AFF1: variants seen among roughly 807,000 people sequenced by gnomAD.
AFF1 encodes the protein AF4/FMR2 family member 1.
Under a neutral mutation model 121.7 loss-of-function variants are expected in AFF1, and 48 were observed. The ratio of observed to expected loss-of-function variants is 0.39; its 90% CI spans 0.31 to 0.50. The LOEUF is 0.50. Ranked by LOEUF, AFF1 falls within the 20% of genes least tolerant of loss-of-function variation. AFF1 has a pLI of 0.76. For synonymous variants in AFF1, 613 were observed against 563.0 expected (o/e 1.09, Z -1.26); for missense variants, 1,523 against 1,511.7 (o/e 1.01, Z -0.12).
At chr4:86,987,258 T>C (rs1724359156) in intron 2 of AFF1, among the ~76,000 whole-genome samples, 1 of 140,446 alleles carries the variant, frequency 7.1e-6, no homozygotes, top group Non-Finnish European at 1.5e-5. Flanking sequence ...CAGAATCTTA[T>C]TATTATAATG....
rs34072831 is a variant in AFF1, at chr4:87,001,207, C to CTTTTTTTTT, written c.39-44940_39-44932dup. 1.0e-3 allele frequency among the ~76,000 whole-genome samples: 61 copies of CTTTTTTTTT among 60,316 alleles called. 18 individuals carry two copies. Among genetic ancestry groups the CTTTTTTTTT allele is most frequent in the South Asian group, 1.9e-3 (2 of 1,076 alleles). 39.6% of individuals were successfully genotyped at this position (60,316 alleles called of 152,430 possible). ...TGAGAGGACTGCTTTCCTTTTTCTA[C>CTTTTTTTTT]TTTTTTTTTTTTTTTTTTTTTTTTT... On this transcript the variant is annotated intron_variant, in intron 2 of 20. Coordinates refer to ENST00000395146, the MANE Select transcript of AFF1 (RefSeq NM_001166693.3).
chr4:87,047,732 T>G, intron 4 of AFF1, 138 bp downstream of exon 4: 1 of 1,148,930 alleles, frequency 8.7e-7, no homozygotes, highest in South Asian at 1.2e-5. Context: ...CTTTAGGATC[T>G]TGTTAATAAC....
chr4:86,949,686 T>C, intron 2 of AFF1: 2 of 1,571,310 alleles, frequency 1.3e-6, no homozygotes, highest in Non-Finnish European at 1.7e-6. Context: ...AAGGGGATGA[T>C]GGGCATGCGC....
At chr4:87,059,590 C>G (rs1256326151) in intron 4 of AFF1, among the ~76,000 whole-genome samples, 2 of 152,122 alleles carry the variant, frequency 1.3e-5, no homozygotes, top group African/African-American at 4.8e-5. Context: ...AAAATCAGAT[C>G]AAGTCGTACT....
intron 4 of AFF1, among the ~76,000 whole-genome samples, chr4:87,065,023 ACT>A (rs34158399): frequency 0.13 from 19,349 of 151,892 alleles, 1,696 homozygotes; most frequent in Middle Eastern, 0.2. Flanking sequence ...TGGCTGACAG[ACT>A]CTGTCACAAG....
At chr4:86,981,395 T>C (rs929745202) in intron 2 of AFF1, among the ~76,000 whole-genome samples, 5 of 151,790 alleles carry the variant, frequency 3.3e-5, no homozygotes, top group Non-Finnish European at 7.4e-5. Context: ...TGAGATGGAG[T>C]CTCACTCTGT....
intron 4 of AFF1, among the ~76,000 whole-genome samples, chr4:87,082,846 A>G (rs563891216): frequency 3.3e-5 from 5 of 152,284 alleles, no homozygotes; most frequent in Admixed American, 1.3e-4. Flanking sequence ...AGATTAATAA[A>G]CCCTAGATTG....
At chr4:87,039,671 G>C (rs1046651071) in intron 2 of AFF1, among the ~76,000 whole-genome samples, 5 of 152,194 alleles carry the variant, frequency 3.3e-5, no homozygotes, top group Admixed American at 3.3e-4. Context: ...GATGAATTCT[G>C]TAGAGATCTT....
chr4:86,962,619 CTG>C (rs1722231392), intron 2 of AFF1, among the ~76,000 whole-genome samples: 1 of 152,100 alleles, frequency 6.6e-6, no homozygotes, highest in South Asian at 2.1e-4. Context: ...TTCCCATGCT[CTG>C]AGACCCAACT....
intron 1 of AFF1, among the ~76,000 whole-genome samples, chr4:86,939,289 C>T (rs1168385176): frequency 9.2e-6 from 1 of 108,658 alleles, no homozygotes; most frequent in Non-Finnish European, 2.1e-5. Context: ...AGTGACTTGA[C>T]TCTGTGACTC....
intron 4 of AFF1, among the ~76,000 whole-genome samples, chr4:87,067,292 A>C (rs908948287): frequency 1.3e-5 from 2 of 152,212 alleles, no homozygotes; most frequent in Admixed American, 1.3e-4. Context: ...AACAAGCTTA[A>C]TAGTTGGAGA....
chr4:86,948,285 T>C (rs1257144600), intron 1 of AFF1, among the ~76,000 whole-genome samples: 2 of 152,180 alleles, frequency 1.3e-5, no homozygotes, highest in Non-Finnish European at 1.5e-5. Flanking sequence ...CTTGCTGAAA[T>C]GGCTTTGAGA....
intron 1 of AFF1, among the ~76,000 whole-genome samples, chr4:86,936,790 G>A (rs964533656): frequency 1.3e-5 from 2 of 152,200 alleles, no homozygotes; most frequent in Non-Finnish European, 2.9e-5. Context: ...ATGTTGGGAA[G>A]TATTGTACTT....
In AFF1 at chr4:87,137,530, C is replaced by G; in HGVS notation, c.*1829C>G. On this transcript the variant is annotated 3_prime_UTR_variant, in exon 21 of 21. Transcript: ENST00000395146. ...TGGTCCCTCATGTTTAGGTGAAAGCCAGAGAATGACAGCTGTAGTCATATC... is the reference window on the plus strand; with the variant it reads ...TGGTCCCTCATGTTTAGGTGAAAGCGAGAGAATGACAGCTGTAGTCATATC... 1 of 231,012 alleles carries G rather than the reference C, an allele frequency of 4.3e-6. No individual in the cohort carries two copies. The highest frequency in any genetic ancestry group is 8.6e-6 in the Non-Finnish European group (1 of 116,666). The allele number at this position is 231,012 out of a possible 1,614,324, so 14.3% of individuals were successfully genotyped here.
chr4:87,024,141 T>C (rs1430711721), intron 2 of AFF1, among the ~76,000 whole-genome samples: 1 of 152,156 alleles, frequency 6.6e-6, no homozygotes, highest in Non-Finnish European at 1.5e-5. Context: ...CTGAGGCTCA[T>C]GGCAAGTGAC....
In AFF1 at chr4:87,139,485, T is replaced by C; in HGVS notation, c.*3784T>C. Reference sequence around the variant, plus strand: ...TCTGTTTACACTCTTTGCCACTGATTAGCAGTATTTAAATCTTGCAAGAAT... The same window carrying C: ...TCTGTTTACACTCTTTGCCACTGATCAGCAGTATTTAAATCTTGCAAGAAT... On this transcript the variant is annotated 3_prime_UTR_variant, in exon 21 of 21. Transcript: ENST00000395146. 4.3e-6 allele frequency: 1 copy of C among 232,106 alleles called. No homozygotes were observed. Among genetic ancestry groups the C allele is most frequent in the Non-Finnish European group, 8.5e-6 (1 of 117,088 alleles). The allele number at this position is 232,106 out of a possible 1,614,324, so 14.4% of individuals were successfully genotyped here.
chr4:87,052,516 C>T (rs6840258), intron 4 of AFF1, among the ~76,000 whole-genome samples: 31,646 of 151,788 alleles, frequency 0.21, 3,458 homozygotes, highest in East Asian at 0.32. Flanking sequence ...GAACTGGCGA[C>T]ATAGGCAGGA....
intron 4 of AFF1, among the ~76,000 whole-genome samples, chr4:87,067,681 A>G (rs1560592981): frequency 6.6e-6 from 1 of 152,254 alleles, no homozygotes; most frequent in Non-Finnish European, 1.5e-5. Flanking sequence ...ACTTGAGAGC[A>G]AAAAGGTCAG....
intron 16 of AFF1, among the ~76,000 whole-genome samples, chr4:87,128,175 A>T (rs941041998): frequency 3.9e-5 from 6 of 152,242 alleles, no homozygotes; most frequent in Non-Finnish European, 8.8e-5. Flanking sequence ...TTACATTCCA[A>T]AATTATCTTA....
Sources: allele counts gnomAD v4.1 joint callset (sites outside exome capture counted in the v4.1 genomes callset), GRCh38; gene constraint gnomAD v4.1.1; transcripts MANE v1.5; gene names NCBI Gene and HGNC (gene_info 2026-07-23, HGNC 2026-07-21).